Variants in PLCE1 observed in about 807,000 individuals in gnomAD.
The protein encoded by PLCE1 is 1-phosphatidylinositol 4,5-bisphosphate phosphodiesterase epsilon-1.
In PLCE1, 119 loss-of-function variants were observed where a neutral mutation model predicts 242.8. The ratio of observed to expected loss-of-function variants is 0.49; its 90% confidence interval spans 0.42 to 0.57. PLCE1 has a LOEUF of 0.57. PLCE1 is among the 20% of genes least tolerant of loss of function. The probability of loss-of-function intolerance (pLI) is 0.00; values close to 1 mark genes in which losing one functional copy is unlikely to be tolerated. For synonymous variants in PLCE1, 945 were observed against 1,017.4 expected, an observed-to-expected ratio of 0.93 and a Z score of 1.35; for missense variants, 2,441 against 2,788.8, an observed-to-expected ratio of 0.88 and a Z score of 2.81.
rs2050313959 is a variant in PLCE1 at position 94,236,066 on chromosome 10, C to T, written c.2366C>T (p.Pro789Leu). 6.2e-7 allele frequency: 1 copy of T among 1,613,838 alleles called. No homozygotes were observed. Among genetic ancestry groups the T allele is most frequent in the Non-Finnish European group, 8.5e-7 (1 of 1,179,990 alleles). The stretch of plus-strand genomic sequence containing the variant: ...CTGGAGACAGACGAGGAGGACAGCC[C>T]CAGTGAAGGAAACAGCTCCAGGAAA... ...RSLETDEEDS[P>L]SEGNSSRKSS... Residue 789 changes from proline to leucine, a missense_variant, in exon 7 of 33, where the codon CCC (proline) becomes CTC (leucine). By Grantham distance (98) the Pro-to-Leu change is moderately conservative. Transcript: ENST00000371380.
intron 4 of PLCE1, among the ~76,000 whole-genome samples, chr10:94,190,384 G>A (rs575486514): frequency 1.7e-4 from 26 of 152,306 alleles, no homozygotes; most frequent in Middle Eastern, 3.4e-3. Context: ...TGAGGCAAAA[G>A]GATTGCTTCA....
At chr10:94,055,852 A>G (rs1290474191) in intron 2 of PLCE1, among the ~76,000 whole-genome samples, 1 of 152,180 alleles carries the variant, frequency 6.6e-6, no homozygotes, top group Non-Finnish European at 1.5e-5. Flanking sequence ...ATCCATAGAG[A>G]TACTCCAAGA....
intron 4 of PLCE1, among the ~76,000 whole-genome samples, chr10:94,175,092 G>A (rs2048090391): frequency 6.6e-6 from 1 of 152,168 alleles, no homozygotes; most frequent in African/African-American, 2.4e-5. Context: ...GAGAGATTGA[G>A]TCACTTGTCT....
chr10:94,265,011 G>T (rs1372221988), intron 14 of PLCE1, among the ~76,000 whole-genome samples: 1 of 152,146 alleles, frequency 6.6e-6, no homozygotes, highest in African/African-American at 2.4e-5. Context: ...AACTGTGTGG[G>T]TGAAGGAACA....
chr10:94,327,479 G>A (rs2054069085), intron 32 of PLCE1, among the ~76,000 whole-genome samples: 1 of 152,198 alleles, frequency 6.6e-6, no homozygotes, highest in Non-Finnish European at 1.5e-5. Context: ...GGAGGCTGAG[G>A]CAGGAGAATT....
chr10:94,164,159 T>C (rs1466599363), intron 3 of PLCE1, among the ~76,000 whole-genome samples: 6 of 152,164 alleles, frequency 3.9e-5, no homozygotes, highest in African/African-American at 7.2e-5. Context: ...GGAGTATCTT[T>C]GTGGCATTCT....
Position 94,171,300 on chromosome 10 carries a change from TC to T in PLCE1, c.1615del (p.Leu539Ter). The T allele has an allele frequency of 6.2e-7, 1 of 1,614,154 alleles. No homozygotes were observed. Among genetic ancestry groups the T allele is most frequent in the Non-Finnish European group, 8.5e-7 (1 of 1,180,004 alleles). On this transcript the variant is annotated frameshift_variant, in exon 4 of 33. Transcript: ENST00000371380. LOFTEE classifies it high-confidence loss of function. ...CAGTTCCCAGAGGAAGTCGCCAGCATCCTGATGGAGCAAGAGCAGACTATTT... is the reference window on the plus strand; with the variant it reads ...CAGTTCCCAGAGGAAGTCGCCAGCATCTGATGGAGCAAGAGCAGACTATTT... ...LIQFPEEVAS[I>X]LMEQEQTIYR... is the part of the protein sequence containing the mutation.
chr10:94,210,555 TC>T (rs752243006), intron 4 of PLCE1, among the ~76,000 whole-genome samples: 9 of 152,068 alleles, frequency 5.9e-5, no homozygotes, highest in Non-Finnish European at 1.3e-4. Flanking sequence ...CCAAAATAAA[TC>T]CCCTTCCTCT....
At chr10:94,176,045 A>G (rs2048115893) in intron 4 of PLCE1, among the ~76,000 whole-genome samples, 1 of 152,102 alleles carries the variant, frequency 6.6e-6, no homozygotes, top group African/African-American at 2.4e-5. Flanking sequence ...TATCTCTTCA[A>G]TAGATTGGTT....
At chr10:94,165,662 C>A (rs1302711679) in intron 3 of PLCE1, among the ~76,000 whole-genome samples, 2 of 151,732 alleles carry the variant, frequency 1.3e-5, no homozygotes, top group Non-Finnish European at 1.5e-5. Flanking sequence ...GGTTTTTGAG[C>A]ATGAGAAGAT....
intron 29 of PLCE1, among the ~76,000 whole-genome samples, chr10:94,319,222 G>A (rs910710155): frequency 6.6e-6 from 1 of 152,102 alleles, no homozygotes; most frequent in African/African-American, 2.4e-5. Context: ...GCCTTTGTTA[G>A]GAAATTTTTG....
At position 94,289,273 on chromosome 10, in the gene PLCE1, G is replaced by A. The variant is rs1820442020; in HGVS notation, c.5036-4235G>A. ...GCATGGCAGGCAAGGCACTCAGGAA[G>A]GAAAAGTAGCCGTGTGACCCTGAGT... is the stretch of plus-strand genomic sequence containing the variant. On this transcript the variant is annotated intron_variant, in intron 22 of 32. Transcript: ENST00000371380. Among the ~76,000 whole-genome samples the A allele has an allele frequency of 2.0e-5, 3 of 152,154 alleles. No individual in the cohort carries two copies. The South Asian group carries it at 6.2e-4, about 32-fold the overall frequency.
chr10:94,150,176 C>A (rs1027525770), intron 3 of PLCE1, among the ~76,000 whole-genome samples: 1 of 152,204 alleles, frequency 6.6e-6, no homozygotes, highest in Admixed American at 6.5e-5. Context: ...CCACTACGGC[C>A]CCGCCGCTGT....
chr10:94,266,320 T>C (rs1055591781), intron 16 of PLCE1, among the ~76,000 whole-genome samples: 1 of 152,188 alleles, frequency 6.6e-6, no homozygotes, highest in Admixed American at 6.5e-5. Flanking sequence ...TAATATATTG[T>C]AGTGGGAAAG....
intron 29 of PLCE1, among the ~76,000 whole-genome samples, chr10:94,319,864 C>CTT (rs58610099): frequency 0.14 from 13,311 of 92,486 alleles, 1,595 homozygotes; most frequent in Non-Finnish European, 0.2. Flanking sequence ...CAAAGGTGCT[C>CTT]TTTTTTTTTT....
In PLCE1 at chr10:94,227,287, GTC is replaced by G. The variant is rs767966194; in HGVS notation, c.1810-15_1810-14del. ...CTTCTAGGACATAATTCCCGTGAAT[GTC>G]TCTGTGTGTTTTCCAGGTGAGCTCC... On this transcript the variant is annotated splice_polypyrimidine_tract_variant and intron_variant, in intron 4 of 32. Transcript: ENST00000371380. The G allele has an allele frequency of 3.1e-6, 5 of 1,613,098 alleles. No homozygotes were observed. The South Asian group carries it at 5.5e-5, about 18-fold the overall frequency.
chr10:94,030,639 C>A (rs1479404737), intron 1 of PLCE1, among the ~76,000 whole-genome samples, 44 bp from the exon 2 acceptor site: 1 of 151,796 alleles, frequency 6.6e-6, no homozygotes, highest in Non-Finnish European at 1.5e-5. Context: ...TTTTTAAAAA[C>A]TCACTGAGTG....
chr10:94,196,653 G>A (rs2048832189), intron 4 of PLCE1, among the ~76,000 whole-genome samples: 1 of 151,984 alleles, frequency 6.6e-6, no homozygotes. Context: ...AATAAAAAAA[G>A]ACTTTGAGAG....
chr10:94,202,617 T>C (rs1044652728), intron 4 of PLCE1, among the ~76,000 whole-genome samples: 1 of 152,190 alleles, frequency 6.6e-6, no homozygotes, highest in Admixed American at 6.5e-5. Flanking sequence ...AGAGGCGCGT[T>C]ATCACGTTGT....
Sources: gnomAD v4.1 joint callset for allele counts (sites outside exome capture counted in the v4.1 genomes callset) on GRCh38, gnomAD v4.1.1 for gene constraint, MANE v1.5 for transcripts, NCBI Gene and HGNC (gene_info 2026-07-23, HGNC 2026-07-21) for gene names.